The following SPATA13 variants were observed in gnomAD, a reference collection of about 807,000 sequenced individuals.
SPATA13 encodes spermatogenesis associated 13.
A neutral mutation model predicts 104.0 loss-of-function variants in SPATA13; 50 were observed. The observed-to-expected ratio is 0.48, with a 90% CI of 0.38 to 0.61. The LOEUF (loss-of-function observed/expected upper bound fraction) is 0.61. SPATA13 is among the 20% of genes least tolerant of loss of function. SPATA13 has a pLI of 0.00. For synonymous variants in SPATA13, 606 were observed against 667.5 expected (o/e 0.91, Z 1.42); for missense variants, 1,524 against 1,690.6 (o/e 0.90, Z 1.73).
At chr13:24,098,675 TC>T (rs1457931870) in intron 3 of SPATA13, among the ~76,000 whole-genome samples, 4 of 151,402 alleles carry the variant, frequency 2.6e-5, no homozygotes, top group Admixed American at 2.6e-4. Context: ...ATGACTGTAA[TC>T]CCAGCACTTT....
At chr13:24,239,428 C>A (rs992135197) in intron 2 of SPATA13, among the ~76,000 whole-genome samples, 1 of 152,042 alleles carries the variant, frequency 6.6e-6, no homozygotes, top group Non-Finnish European at 1.5e-5. Flanking sequence ...GGTATGGTGG[C>A]TCACACCTGT....
chr13:24,222,788 G>A (rs774000355), intron 1 of SPATA13, 31 bp from the exon 2 acceptor site: 1 of 1,489,992 alleles, frequency 6.7e-7, no homozygotes, highest in South Asian at 1.4e-5. Context: ...GTGGGAAATG[G>A]CTAAACCGCC....
intron 3 of SPATA13, among the ~76,000 whole-genome samples, chr13:24,047,154 G>A (rs191837280): frequency 3.8e-4 from 58 of 152,278 alleles, no homozygotes; most frequent in Admixed American, 2.5e-3. Flanking sequence ...CATGAGTCAC[G>A]GGTCAGGTGC....
intron 3 of SPATA13, among the ~76,000 whole-genome samples, chr13:24,057,058 T>TC (rs200583620): frequency 3.0e-5 from 3 of 99,402 alleles, no homozygotes; most frequent in South Asian, 3.0e-4. Flanking sequence ...TGGCTCTTTC[T>TC]TTTTTTTTTT....
chr13:24,137,560 G>A (rs1881614399), intron 3 of SPATA13, among the ~76,000 whole-genome samples: 1 of 152,172 alleles, frequency 6.6e-6, no homozygotes, highest in African/African-American at 2.4e-5. Flanking sequence ...AGGAGTTTGA[G>A]GCCAGTCCGG....
Position 24,190,293 on chromosome 13 carries a change from T to C in SPATA13, c.-112+29361T>C, listed in dbSNP as rs61946658. Reference sequence around the variant, plus strand: ...ATATTATTATATATAATATATAATATTATATATTATTATATATAATATATA... The same window carrying C: ...ATATTATTATATATAATATATAATACTATATATTATTATATATAATATATA... On this transcript the variant is annotated intron_variant, in intron 1 of 12. Coordinates refer to ENST00000382108, the MANE Select transcript of SPATA13 (RefSeq NM_001166271.3). Among the ~76,000 whole-genome samples the C allele has an allele frequency of 2.5e-4, 2 of 7,848 alleles. 1 individual carries two copies. Among genetic ancestry groups the C allele is most frequent in the African/African-American group, 2.8e-4 (2 of 7,084 alleles). 5.1% of individuals were successfully genotyped at this position (7,848 alleles called of 152,430 possible).
At chr13:24,061,608 T>G (rs1259805742) in intron 3 of SPATA13, among the ~76,000 whole-genome samples, 1 of 152,180 alleles carries the variant, frequency 6.6e-6, no homozygotes, top group Non-Finnish European at 1.5e-5. Flanking sequence ...CTTAGCAAAC[T>G]AATGCAGGAA....
intron 3 of SPATA13, among the ~76,000 whole-genome samples, chr13:24,081,125 G>C (rs1455324643): frequency 1.3e-5 from 2 of 152,136 alleles, no homozygotes; most frequent in East Asian, 3.9e-4. Flanking sequence ...TGAACACATA[G>C]TGTTACTGTC....
intron 4 of SPATA13, among the ~76,000 whole-genome samples, chr13:24,259,232 C>T (rs1873941775): frequency 6.6e-6 from 1 of 152,214 alleles, no homozygotes; most frequent in South Asian, 2.1e-4. Flanking sequence ...TATGGGGGCT[C>T]TTCTTGTGAA....
chr13:24,121,523 G>A (rs565826526), intron 3 of SPATA13, among the ~76,000 whole-genome samples: 1 of 152,176 alleles, frequency 6.6e-6, no homozygotes, highest in South Asian at 2.1e-4. Flanking sequence ...ATCTACATAG[G>A]AACAATGATG....
intron 3 of SPATA13, among the ~76,000 whole-genome samples, chr13:24,136,404 A>G (rs762935582): frequency 5.3e-5 from 8 of 152,146 alleles, no homozygotes; most frequent in Non-Finnish European, 8.8e-5. Flanking sequence ...TGAACCCAGG[A>G]GGCAGAGGTT....
intron 3 of SPATA13, among the ~76,000 whole-genome samples, chr13:24,028,438 A>G (rs562814411): frequency 3.3e-5 from 5 of 152,302 alleles, no homozygotes; most frequent in South Asian, 2.1e-4. Context: ...CTAGTACTTT[A>G]CAGATAATAT....
In SPATA13 at chr13:24,301,936, G is replaced by A. The variant is rs140514723; in HGVS notation, c.3659-662G>A. ...CAACCCCATAGGTACTGTAATCCCC[G>A]TTTTAGGGATTGGGGAACCAAGGCG... On this transcript the variant is annotated intron_variant, in intron 12 of 12. Coordinates refer to ENST00000382108, the MANE Select transcript of SPATA13 (RefSeq NM_001166271.3). 1.7e-4 allele frequency among the ~76,000 whole-genome samples: 26 copies of A among 152,198 alleles called. No homozygotes were observed. The East Asian group carries it at 3.9e-3, about 23-fold the overall frequency.
rs1171403581 is a variant in SPATA13 at position 24,226,941 on chromosome 13, G to T, written c.1653+2359G>T. The stretch of plus-strand genomic sequence containing the variant: ...AGACTGCATATTGTCTGTTACCTGA[G>T]GTTCCCGTGGAGAGCTCACCAGTTT... On this transcript the variant is annotated intron_variant, in intron 2 of 12. Transcript: ENST00000382108. Among the ~76,000 whole-genome samples, 4 of 152,330 alleles carry T rather than the reference G, an allele frequency of 2.6e-5. No homozygotes were observed. In the East Asian group the frequency reaches 7.7e-4, roughly 29 times the overall value.
intron 2 of SPATA13, among the ~76,000 whole-genome samples, chr13:24,000,439 G>T (rs1156952148): frequency 6.6e-6 from 1 of 152,204 alleles, no homozygotes; most frequent in Non-Finnish European, 1.5e-5. Context: ...ACAGCTCTTG[G>T]TGGGGAGGAA....
chr13:24,281,568 G>A (rs980805817), intron 4 of SPATA13, among the ~76,000 whole-genome samples: 9 of 152,234 alleles, frequency 5.9e-5, no homozygotes, highest in Admixed American at 3.3e-4. Context: ...TGTCATGGAC[G>A]TAAGCAGCTG....
intron 4 of SPATA13, among the ~76,000 whole-genome samples, chr13:24,268,109 G>A (rs893836469): frequency 1.3e-5 from 2 of 152,216 alleles, no homozygotes; most frequent in South Asian, 2.1e-4. Flanking sequence ...AAAAAAGAGC[G>A]TCATAGCCAA....
At chr13:24,216,324 C>T (rs2138597837) in intron 1 of SPATA13, among the ~76,000 whole-genome samples, 1 of 152,336 alleles carries the variant, frequency 6.6e-6, no homozygotes. Flanking sequence ...CACCCCATCA[C>T]CCCAGAGGAT....
At chr13:24,044,155 T>C (rs1378821683) in intron 3 of SPATA13, among the ~76,000 whole-genome samples, 1 of 151,998 alleles carries the variant, frequency 6.6e-6, no homozygotes, top group East Asian at 1.9e-4. Flanking sequence ...GCTGCTGTGC[T>C]GCAAGCCACA....
Sources: gnomAD v4.1 joint callset for allele counts (sites outside exome capture counted in the v4.1 genomes callset) on GRCh38, gnomAD v4.1.1 for gene constraint, MANE v1.5 for transcripts, NCBI Gene and HGNC (gene_info 2026-07-23, HGNC 2026-07-21) for gene names.